The following AUTS2 variants were observed in gnomAD, a reference collection of about 807,000 sequenced individuals.
The protein encoded by AUTS2 is activator of transcription and developmental regulator AUTS2.
In AUTS2, 17 loss-of-function variants were observed where a neutral mutation model predicts 112.4. That is an observed-to-expected ratio of 0.15 (90% CI 0.10 to 0.23). The LOEUF is 0.23. AUTS2 is among the 10% of genes least tolerant of loss of function. The pLI is 1.00. For synonymous variants in AUTS2, 751 were observed against 702.7 expected (o/e 1.07, Z -1.09); for missense variants, 1,510 against 1,701.6 (o/e 0.89, Z 1.98).
chr7:70,740,626 G>A (rs923137119), intron 6 of AUTS2, among the ~76,000 whole-genome samples: 2 of 151,984 alleles, frequency 1.3e-5, no homozygotes, highest in East Asian at 1.9e-4. Flanking sequence ...CTTATTGATA[G>A]TTTATTAATA....
chr7:70,647,276 A>G (rs1444539133), intron 5 of AUTS2, among the ~76,000 whole-genome samples: 1 of 152,180 alleles, frequency 6.6e-6, no homozygotes, highest in Non-Finnish European at 1.5e-5. Context: ...AAAACACTAG[A>G]CACAGTGAGA....
At chr7:70,471,355 A>C (rs908531568) in intron 5 of AUTS2, among the ~76,000 whole-genome samples, 1 of 152,142 alleles carries the variant, frequency 6.6e-6, no homozygotes, top group Non-Finnish European at 1.5e-5. Context: ...AGGAGGGGGA[A>C]ATATGGCTCG....
intron 4 of AUTS2, among the ~76,000 whole-genome samples, chr7:70,399,641 T>G (rs953664963): frequency 6.6e-6 from 1 of 152,180 alleles, no homozygotes; most frequent in Non-Finnish European, 1.5e-5. Flanking sequence ...TCTAAAACAC[T>G]CTTGTTTGGT....
At chr7:70,377,751 A>G (rs1191786618) in intron 4 of AUTS2, among the ~76,000 whole-genome samples, 3 of 149,590 alleles carry the variant, frequency 2.0e-5, no homozygotes, top group Non-Finnish European at 3.0e-5. Context: ...TGTCTGGCTT[A>G]TTTCGCTTAG....
At chr7:70,677,634 G>T (rs1221329956) in intron 5 of AUTS2, among the ~76,000 whole-genome samples, 1 of 151,914 alleles carries the variant, frequency 6.6e-6, no homozygotes, top group Non-Finnish European at 1.5e-5. Context: ...TGTCTCCCAG[G>T]CTGGTCTCGA....
At chr7:70,339,017 C>T (rs1381117075) in intron 4 of AUTS2, among the ~76,000 whole-genome samples, 1 of 151,858 alleles carries the variant, frequency 6.6e-6, no homozygotes, top group Non-Finnish European at 1.5e-5. Flanking sequence ...CGCCCGCCAG[C>T]ACGCCCAGCT....
intron 4 of AUTS2, among the ~76,000 whole-genome samples, chr7:70,269,667 C>T (rs752771715): frequency 1.1e-4 from 16 of 152,300 alleles, no homozygotes; most frequent in Non-Finnish European, 1.9e-4. Context: ...GCACTTAGAA[C>T]GCTTTAAGTC....
chr7:69,703,308 T>G (rs1049575678), intron 1 of AUTS2, among the ~76,000 whole-genome samples: 3 of 152,154 alleles, frequency 2.0e-5, no homozygotes, highest in Non-Finnish European at 4.4e-5. Context: ...TGGGTTTACT[T>G]TATTGGCCTG....
At chr7:69,995,858 G>C (rs1298840634) in intron 2 of AUTS2, among the ~76,000 whole-genome samples, 1 of 152,182 alleles carries the variant, frequency 6.6e-6, no homozygotes, top group Non-Finnish European at 1.5e-5. Flanking sequence ...TTAGGAAGCT[G>C]TACTGCTCTT....
chr7:70,066,549 T>A (rs1802502898), intron 2 of AUTS2, among the ~76,000 whole-genome samples: 1 of 151,644 alleles, frequency 6.6e-6, no homozygotes, highest in Non-Finnish European at 1.5e-5. Context: ...ATTTTTTTTT[T>A]TTTTTTTTTC....
chr7:70,752,982 G>C (rs940267269), intron 6 of AUTS2, among the ~76,000 whole-genome samples: 2 of 152,182 alleles, frequency 1.3e-5, no homozygotes, highest in Non-Finnish European at 2.9e-5. Flanking sequence ...CTTGAAGGCA[G>C]ATGTTTTGGT....
chr7:69,821,621 G>A (rs947175482), intron 1 of AUTS2, among the ~76,000 whole-genome samples: 1 of 152,026 alleles, frequency 6.6e-6, no homozygotes, highest in Admixed American at 6.6e-5. Flanking sequence ...AACACTCACC[G>A]CGAGGGTCTG....
At chr7:70,225,794 G>T (rs1040344601) in intron 4 of AUTS2, among the ~76,000 whole-genome samples, 3 of 152,076 alleles carry the variant, frequency 2.0e-5, no homozygotes, top group Non-Finnish European at 1.5e-5. Flanking sequence ...TTTTTCTCAA[G>T]TTAGTACCAA....
At chr7:70,651,955 G>A (rs1319932579) in intron 5 of AUTS2, among the ~76,000 whole-genome samples, 1 of 152,158 alleles carries the variant, frequency 6.6e-6, no homozygotes, top group African/African-American at 2.4e-5. Flanking sequence ...CCATTTTGAA[G>A]GTGAGGGATG....
intron 2 of AUTS2, among the ~76,000 whole-genome samples, chr7:69,967,468 G>A (rs1258717010): frequency 6.6e-6 from 1 of 152,142 alleles, no homozygotes; most frequent in Non-Finnish European, 1.5e-5. Flanking sequence ...GCTTGGCAAG[G>A]CAGTCCTGGA....
intron 1 of AUTS2, among the ~76,000 whole-genome samples, chr7:69,666,867 A>C (rs761998343): frequency 6.6e-6 from 1 of 152,120 alleles, no homozygotes; most frequent in African/African-American, 2.4e-5. Context: ...ATGCCCCTGC[A>C]CTCCAGCCTG....
chr7:70,074,369 G>A (rs558616075), intron 2 of AUTS2, among the ~76,000 whole-genome samples: 1 of 151,934 alleles, frequency 6.6e-6, no homozygotes, highest in African/African-American at 2.4e-5. Context: ...TTTTTGTCTG[G>A]GTGAGACTGG....
intron 1 of AUTS2, among the ~76,000 whole-genome samples, chr7:69,633,533 A>G (rs1345431126): frequency 6.6e-6 from 1 of 152,184 alleles, no homozygotes; most frequent in Non-Finnish European, 1.5e-5. Context: ...ACTATTTTTC[A>G]CAATGGCTGT....
At chr7:70,765,877 G>T (rs6959436) in intron 8 of AUTS2, among the ~76,000 whole-genome samples, 1 of 151,898 alleles carries the variant, frequency 6.6e-6, no homozygotes, top group Non-Finnish European at 1.5e-5. Flanking sequence ...TTGTTCCCCA[G>T]ATTGATAGAC....
Sources: allele counts gnomAD v4.1 joint callset (sites outside exome capture counted in the v4.1 genomes callset), GRCh38; gene constraint gnomAD v4.1.1; transcripts MANE v1.5; gene names NCBI Gene and HGNC (gene_info 2026-07-23, HGNC 2026-07-21).